Variants in ARHGAP8 observed in about 807,000 individuals in gnomAD.
ARHGAP8 encodes rho GTPase-activating protein 8.
ARHGAP8 carries 62 observed loss-of-function variants against 46.1 expected under a neutral mutation model. The ratio of observed to expected loss-of-function variants is 1.34; its 90% CI spans 1.10 to 1.66. The LOEUF (loss-of-function observed/expected upper bound fraction) is 1.66, where lower values mean the gene tolerates loss of function less well. ARHGAP8 is among the 40% of genes most tolerant of loss of function. The pLI is 0.00. For missense variants in ARHGAP8, 923 were observed against 568.4 expected, an observed-to-expected ratio of 1.62 and a Z score of -6.34; for synonymous variants, 375 against 243.1, an observed-to-expected ratio of 1.54 and a Z score of -5.05.
chr22:44,775,253 C>G (rs555482845), intron 1 of ARHGAP8, among the ~76,000 whole-genome samples: 91 of 152,302 alleles, frequency 6.0e-4, no homozygotes, highest in African/African-American at 2.1e-3. Context: ...GTTTTATGTA[C>G]CATATGAGCT....
chr22:44,759,271 A>G (rs1924936301), intron 1 of ARHGAP8, among the ~76,000 whole-genome samples: 1 of 152,178 alleles, frequency 6.6e-6, no homozygotes, highest in Non-Finnish European at 1.5e-5. Context: ...GTCAGGGCAC[A>G]CACAGTGATG....
At chr22:44,784,358 C>CA (rs1175565344) in intron 1 of ARHGAP8, among the ~76,000 whole-genome samples, 10 of 152,184 alleles carry the variant, frequency 6.6e-5, no homozygotes, top group African/African-American at 2.4e-4. Flanking sequence ...GAGCAGAGAT[C>CA]ATGCCACTGC....
intron 7 of ARHGAP8, among the ~76,000 whole-genome samples, chr22:44,836,802 C>T (rs1384948504): frequency 6.6e-6 from 1 of 152,096 alleles, no homozygotes; most frequent in Admixed American, 6.5e-5. Flanking sequence ...GCCTGCTCAG[C>T]ACTCCCCATT....
At chr22:44,783,609 CG>C (rs1927004931) in intron 1 of ARHGAP8, among the ~76,000 whole-genome samples, 1 of 152,166 alleles carries the variant, frequency 6.6e-6, no homozygotes, top group Non-Finnish European at 1.5e-5. Context: ...TCTGCTCCAC[CG>C]CACTAGAACC....
intron 1 of ARHGAP8, among the ~76,000 whole-genome samples, chr22:44,778,612 C>T (rs1926593738): frequency 6.6e-6 from 1 of 152,150 alleles, no homozygotes; most frequent in Non-Finnish European, 1.5e-5. Context: ...CACTGTTTTC[C>T]ATAGTGGTTG....
At chr22:44,826,555 G>C (rs974301718) in intron 7 of ARHGAP8, among the ~76,000 whole-genome samples, 7 of 152,068 alleles carry the variant, frequency 4.6e-5, no homozygotes, top group Non-Finnish European at 8.8e-5. Flanking sequence ...CTCCTGAGTA[G>C]CTGGGATTAC....
intron 7 of ARHGAP8, among the ~76,000 whole-genome samples, chr22:44,836,182 C>G (rs1374793831): frequency 6.6e-6 from 1 of 152,128 alleles, no homozygotes; most frequent in Non-Finnish European, 1.5e-5. Context: ...ACAGCTCCAC[C>G]TCATACCAAA....
intron 5 of ARHGAP8, among the ~76,000 whole-genome samples, chr22:44,818,133 C>T (rs1246619594): frequency 6.6e-6 from 1 of 150,564 alleles, no homozygotes; most frequent in South Asian, 2.1e-4. Flanking sequence ...TTCTAGAAAC[C>T]TCTAAGGTTC....
intron 1 of ARHGAP8, among the ~76,000 whole-genome samples, chr22:44,770,028 G>A (rs1488563938): frequency 4.6e-5 from 7 of 152,196 alleles, no homozygotes; most frequent in Admixed American, 2.0e-4. Context: ...GGTGGATCAC[G>A]AGGTCAGGAG....
intron 8 of ARHGAP8, among the ~76,000 whole-genome samples, chr22:44,846,013 C>T (rs1488872616): frequency 2.8e-5 from 1 of 35,824 alleles, no homozygotes; most frequent in African/African-American, 1.5e-4. Flanking sequence ...AAGTGAGTGC[C>T]CCCCCCCATC....
chr22:44,842,440 T>C (rs1278704675), intron 7 of ARHGAP8, among the ~76,000 whole-genome samples: 2 of 152,198 alleles, frequency 1.3e-5, no homozygotes, highest in Non-Finnish European at 2.9e-5. Context: ...TTCCTAGACA[T>C]AGATTCACTG....
chr22:44,839,498 A>G (rs973229860), intron 7 of ARHGAP8, among the ~76,000 whole-genome samples: 4 of 152,194 alleles, frequency 2.6e-5, no homozygotes, highest in Non-Finnish European at 2.9e-5. Context: ...TGTGCACCTG[A>G]TAAATCATCT....
chr22:44,767,240 A>G (rs1047064064), intron 1 of ARHGAP8, among the ~76,000 whole-genome samples: 2 of 152,136 alleles, frequency 1.3e-5, no homozygotes, highest in Non-Finnish European at 2.9e-5. Flanking sequence ...CTTTCCCGTG[A>G]CTACAGAAAC....
At chr22:44,763,448 C>T (rs909120345) in intron 1 of ARHGAP8, among the ~76,000 whole-genome samples, 9 of 144,670 alleles carry the variant, frequency 6.2e-5, no homozygotes, top group African/African-American at 2.3e-4. Flanking sequence ...ACCGAGATCA[C>T]GCCACTGCAT....
rs772680966 is a variant in ARHGAP8 at position 44,845,477 on chromosome 22, C to G, written c.670+135C>G. 1.1e-4 allele frequency: 131 copies of G among 1,217,236 alleles called. 1 individual carries two copies. Among genetic ancestry groups the G allele is most frequent in the Non-Finnish European group, 1.5e-4 (127 of 870,266 alleles). The allele number at this position is 1,217,236 out of a possible 1,614,324, so 75.4% of individuals were successfully genotyped here. A position where few individuals can be genotyped will look rare whatever the true frequency, so the allele number is the denominator to read the frequency against. On this transcript the variant is annotated intron_variant, in intron 8 of 11. Coordinates refer to ENST00000356099, the MANE Select transcript of ARHGAP8 (RefSeq NM_181335.3). ...AGGGAGGGGCTCAAGCACAGTGGCT[C>G]CAGGTCTGGGCTCTGGCCTCGGATG...
At chr22:44,775,171 G>A (rs896372271) in intron 1 of ARHGAP8, among the ~76,000 whole-genome samples, 1 of 152,192 alleles carries the variant, frequency 6.6e-6, no homozygotes, top group Non-Finnish European at 1.5e-5. Flanking sequence ...AGAGGCAAAG[G>A]TTTCCTGGGC....
rs1248965356 is a variant in ARHGAP8, at chr22:44,859,810, C to T, written c.957C>T (p.Arg319=). Reference sequence around the variant, plus strand: ...CAGAGCACAACTACGTCGTCCTCCGCTACCTCATGGGCTTCCTGCATGCGG... The same window carrying T: ...CAGAGCACAACTACGTCGTCCTCCGTTACCTCATGGGCTTCCTGCATGCGG... ...SLPEHNYVVL[R]YLMGFLHAVS... The change falls in exon 11 of 12, where the codon CGC becomes CGT. Residue 319 remains arginine, a synonymous_variant. Coordinates refer to ENST00000356099, the MANE Select transcript of ARHGAP8 (RefSeq NM_181335.3). 1 of 1,614,044 alleles carries T rather than the reference C, an allele frequency of 6.2e-7. No individual in the cohort carries two copies. Among genetic ancestry groups the T allele is most frequent in the South Asian group, 1.1e-5 (1 of 91,088 alleles).
intron 7 of ARHGAP8, 48 bp downstream of exon 7, chr22:44,825,641 A>T: frequency 6.4e-7 from 1 of 1,568,150 alleles, no homozygotes; most frequent in South Asian, 1.1e-5. Context: ...GAGCCCTGGG[A>T]GCTGTGGGGC....
rs1265998567 is a variant in ARHGAP8, at chr22:44,862,344, A to T, written c.1051A>T (p.Ile351Phe). Reference sequence around the variant, plus strand: ...GGCCTGTGTCTTCGGGCTGAATTTGATCTGGCCATCCCAGGGGGTCTCCTC... The same window carrying T: ...GGCCTGTGTCTTCGGGCTGAATTTGTTCTGGCCATCCCAGGGGGTCTCCTC... Reference protein sequence around the residue: ...NLACVFGLNLIWPSQGVSSLS... With the variant: ...NLACVFGLNLFWPSQGVSSLS... Residue 351 changes from isoleucine (I) to phenylalanine (F), a missense_variant, in exon 12 of 12, where the codon ATC (isoleucine) becomes TTC (phenylalanine). Physicochemically the swap from Ile to Phe is conservative, Grantham distance 21. Coordinates refer to ENST00000356099, the MANE Select transcript of ARHGAP8 (RefSeq NM_181335.3). 6.2e-7 allele frequency: 1 copy of T among 1,613,998 alleles called. No individual in the cohort carries two copies.
Sources: allele counts gnomAD v4.1 joint callset (sites outside exome capture counted in the v4.1 genomes callset), GRCh38; gene constraint gnomAD v4.1.1; transcripts MANE v1.5; gene names NCBI Gene and HGNC (gene_info 2026-07-23, HGNC 2026-07-21).